The following AFAP1L2 variants were observed in gnomAD, a reference collection of about 807,000 sequenced individuals.
The protein encoded by AFAP1L2 is actin filament-associated protein 1-like 2.
A neutral mutation model predicts 99.3 loss-of-function variants in AFAP1L2; 46 were observed. The observed-to-expected ratio is 0.46, with a 90% confidence interval of 0.37 to 0.59. The LOEUF (loss-of-function observed/expected upper bound fraction) is 0.59, where lower values mean the gene tolerates loss of function less well. Ranked by LOEUF, AFAP1L2 falls within the 20% of genes least tolerant of loss-of-function variation. The probability of loss-of-function intolerance (pLI) is 0.00; values close to 1 mark genes in which losing one functional copy is unlikely to be tolerated. For missense variants in AFAP1L2, 959 were observed against 1,034.9 expected (o/e 0.93, Z 1.01); for synonymous variants, 397 against 419.1 (o/e 0.95, Z 0.64).
At chr10:114,284,927 C>T in the AFAP1L2 span, 1 of 1,605,630 alleles carries the variant, frequency 6.2e-7, no homozygotes, top group Non-Finnish European at 8.5e-7. Flanking sequence ...TGGACGGCTA[C>T]CAGTGCCTCT....
Position 114,300,507 on chromosome 10 carries a change from A to G in AFAP1L2, c.1726T>C (p.Ser576Pro), listed in dbSNP as rs62641718. Residue 576 changes from serine (S) to proline (P), a missense_variant, in exon 14 of 19, where the codon TCA becomes CCA. Coordinates refer to ENST00000304129, the MANE Select transcript of AFAP1L2 (RefSeq NM_001001936.3). The part of the protein sequence containing the change: ...DNATEALPAD[S>P]GPGPTPDEPC... Reference sequence around the variant, plus strand: ...TCATCTGGGGTGGGACCTGGGCCTGAGTCTGCCGGGAGGGCCTCAGTTGCA... The same window carrying G: ...TCATCTGGGGTGGGACCTGGGCCTGGGTCTGCCGGGAGGGCCTCAGTTGCA... The G allele has an allele frequency of 5.6e-3, 8,993 of 1,614,056 alleles. 473 individuals carry two copies. The African/African-American group carries it at 0.1, about 19-fold the overall frequency.
At chr10:114,308,785 T>C (rs903694658) in intron 8 of AFAP1L2, among the ~76,000 whole-genome samples, 1 of 152,152 alleles carries the variant, frequency 6.6e-6, no homozygotes, top group Non-Finnish European at 1.5e-5. Flanking sequence ...AGAGTCTGCA[T>C]CCCCTATGAT....
At chr10:114,314,963 A>C (rs189904756) in intron 6 of AFAP1L2, among the ~76,000 whole-genome samples, 260 of 152,300 alleles carry the variant, frequency 1.7e-3, no homozygotes, top group Non-Finnish European at 2.8e-3. Flanking sequence ...CAACATGGTG[A>C]AACCCCGTCT....
chr10:114,387,944 C>T (rs544266868), intron 1 of AFAP1L2, among the ~76,000 whole-genome samples: 32 of 152,260 alleles, frequency 2.1e-4, no homozygotes, highest in Middle Eastern at 3.4e-3. Context: ...CCTACCCCTA[C>T]CCCCAGTAAG....
chr10:114,374,969 C>T (rs990247232), intron 1 of AFAP1L2, among the ~76,000 whole-genome samples: 1 of 152,090 alleles, frequency 6.6e-6, no homozygotes, highest in Non-Finnish European at 1.5e-5. Context: ...TCCAGGTTCA[C>T]TAAAGTGTCT....
chr10:114,297,433 G>A lies in AFAP1L2; in HGVS notation c.2114-20C>T. The A allele has an allele frequency of 6.2e-7, 1 of 1,608,414 alleles. No homozygotes were observed. The highest frequency in any genetic ancestry group is 8.5e-7 in the Non-Finnish European group (1 of 1,178,686). On this transcript the variant is annotated intron_variant, in intron 16 of 18. Transcript: ENST00000304129. ...CCTTGTCTGGAGAGAGAATTATGCA[G>A]GTGTCAGAGAACAGCATCTCAGCCC... is the stretch of plus-strand genomic sequence containing the variant.
At chr10:114,286,230 C>T in the AFAP1L2 span, 79 of 1,613,226 alleles carry the variant, frequency 4.9e-5, no homozygotes, top group African/African-American at 9.9e-4. Flanking sequence ...CGGCAGGCGG[C>T]AGAGCGTGGC....
chr10:114,313,401 G>A (rs915487691), intron 7 of AFAP1L2, among the ~76,000 whole-genome samples: 2 of 151,864 alleles, frequency 1.3e-5, no homozygotes, highest in African/African-American at 4.8e-5. Context: ...ACGGGCCTCG[G>A]TCTGAGAACC....
chr10:114,305,938 G>A (rs1211169808), intron 10 of AFAP1L2, among the ~76,000 whole-genome samples: 18 of 105,732 alleles, frequency 1.7e-4, no homozygotes, highest in East Asian at 6.6e-4. Flanking sequence ...GGACGGGGCT[G>A]CAGGAGGAGA....
At chr10:114,298,948 G>A (rs1169944243) in intron 16 of AFAP1L2, among the ~76,000 whole-genome samples, 1 of 152,196 alleles carries the variant, frequency 6.6e-6, no homozygotes, top group Non-Finnish European at 1.5e-5. Context: ...ATGGGCCAAG[G>A]AATATGCATT....
chr10:114,355,547 TAA>T (rs35455768), intron 1 of AFAP1L2, among the ~76,000 whole-genome samples: 3 of 143,780 alleles, frequency 2.1e-5, no homozygotes, highest in African/African-American at 5.0e-5. Context: ...ACTGGTAGCT[TAA>T]AAAAAAAAAA....
At chr10:114,351,217 C>T (rs2050421251) in intron 1 of AFAP1L2, among the ~76,000 whole-genome samples, 1 of 152,146 alleles carries the variant, frequency 6.6e-6, no homozygotes, top group African/African-American at 2.4e-5. Flanking sequence ...ATTTTCACTC[C>T]TTCTTTATAG....
downstream of AFAP1L2, among the ~76,000 whole-genome samples, chr10:114,293,371 T>A (rs569983488): frequency 3.6e-4 from 55 of 152,348 alleles, no homozygotes; most frequent in Non-Finnish European, 5.6e-4. Context: ...CGGGCTGGTA[T>A]TTGGGTGCCC....
In AFAP1L2 at chr10:114,297,260, G is replaced by A. The variant is rs1228740962; in HGVS notation, c.2267C>T (p.Thr756Ile). ...CTCCAGGTGGGTGGTGTCCACGGTG[G>A]TGCCTAACGTCACAGGCCCTGCCTC... ...KAEAGPVTLGTTVDTTHLENV... is the reference protein window; with the variant it reads ...KAEAGPVTLGITVDTTHLENV... The change falls in exon 17 of 19, where the codon ACC becomes ATC. Residue 756 changes from threonine to isoleucine, a missense_variant. By Grantham distance (89) the Thr-to-Ile change is moderately conservative. Coordinates refer to ENST00000304129, the MANE Select transcript of AFAP1L2 (RefSeq NM_001001936.3). 5 of 1,614,038 alleles carry A rather than the reference G, an allele frequency of 3.1e-6. No individual in the cohort carries two copies. The highest frequency in any genetic ancestry group is 1.7e-5 in the Admixed American group (1 of 60,018).
At chr10:114,373,630 C>T (rs1372992428) in intron 1 of AFAP1L2, among the ~76,000 whole-genome samples, 1 of 151,862 alleles carries the variant, frequency 6.6e-6, no homozygotes, top group South Asian at 2.1e-4. Flanking sequence ...GTCTCAAACA[C>T]CACCACCAAC....
chr10:114,383,236 G>A (rs1316454980), intron 1 of AFAP1L2, among the ~76,000 whole-genome samples: 1 of 152,178 alleles, frequency 6.6e-6, no homozygotes, highest in Non-Finnish European at 1.5e-5. Flanking sequence ...CTGGCTCTGA[G>A]GGACTTCCTT....
chr10:114,301,236 A>T, intron 13 of AFAP1L2, 118 bp downstream of exon 13: 1 of 787,126 alleles, frequency 1.3e-6, no homozygotes, highest in Non-Finnish European at 2.1e-6. Flanking sequence ...CTGGTAGGTG[A>T]CTCAGAACCC....
At chr10:114,338,287 C>T (rs2048289619) in intron 2 of AFAP1L2, among the ~76,000 whole-genome samples, 1 of 152,186 alleles carries the variant, frequency 6.6e-6, no homozygotes, top group Admixed American at 6.5e-5. Context: ...CAGGACTTGG[C>T]CTGTTCCCGC....
At chr10:114,351,587 G>A (rs757988062) in intron 1 of AFAP1L2, among the ~76,000 whole-genome samples, 44 of 152,300 alleles carry the variant, frequency 2.9e-4, no homozygotes, top group Admixed American at 1.1e-3. Context: ...GGAGGCACGC[G>A]AGGCTGATTA....
Sources: gnomAD v4.1 joint callset for allele counts (sites outside exome capture counted in the v4.1 genomes callset) on GRCh38, gnomAD v4.1.1 for gene constraint, MANE v1.5 for transcripts, NCBI Gene and HGNC (gene_info 2026-07-23, HGNC 2026-07-21) for gene names.